PUF60: variants seen among roughly 807,000 people sequenced by gnomAD.
PUF60 encodes poly(U) binding splicing factor 60, also known as poly(U)-binding-splicing factor PUF60.
In PUF60, 10 loss-of-function variants were observed where a neutral mutation model predicts 61.8. The ratio of observed to expected loss-of-function variants is 0.16; its 90% CI spans 0.10 to 0.27. The LOEUF is 0.27. Ranked by LOEUF, PUF60 falls within the 10% of genes least tolerant of loss-of-function variation. The probability of loss-of-function intolerance (pLI) is 1.00; values close to 1 mark genes in which losing one functional copy is unlikely to be tolerated. For missense variants in PUF60, 371 were observed against 754.0 expected (o/e 0.49, Z 5.95); for synonymous variants, 353 against 300.9 (o/e 1.17, Z -1.79).
In PUF60 at chr8:143,818,002, T is replaced by C. The variant is rs1816559733; in HGVS notation, c.677A>G (p.Asn226Ser). ...GTGCACAGAGGCCACGTAGATGCGGTTGAAGGCCCGTGCCTCCTCAGCCAA... is the reference window on the plus strand; with the variant it reads ...GTGCACAGAGGCCACGTAGATGCGGCTGAAGGCCCGTGCCTCCTCAGCCAA... ...DQLAEEARAF[N>S]RIYVASVHQD... Residue 226 changes from asparagine to serine, a missense_variant, in exon 8 of 12, where the codon AAC (asparagine) becomes AGC (serine). By Grantham distance (46) the Asn-to-Ser change is conservative. This residue lies in a region of PUF60 where 31 missense variants were observed against 80.6 expected (regional missense o/e 0.38). Coordinates refer to ENST00000526683, the MANE Select transcript of PUF60 (RefSeq NM_078480.3). The surrounding 1 kb of genome is among the most constrained non-coding windows in gnomAD (Gnocchi z 7.9). 2 of 1,612,796 alleles carry C rather than the reference T, an allele frequency of 1.2e-6. No individual in the cohort carries two copies. The highest frequency in any genetic ancestry group is 1.7e-6 in the Non-Finnish European group (2 of 1,179,834).
chr8:143,820,568 G>A (rs900080861), intron 5 of PUF60, 98 bp downstream of exon 5: 38 of 1,343,264 alleles, frequency 2.8e-5, no homozygotes, highest in African/African-American at 2.2e-4. Context: ...GGGCAGGGCC[G>A]GCCAGGGGAG....
At position 143,818,339 on chromosome 8, in the gene PUF60, C is replaced by A; in HGVS notation, c.510+34G>T. On this transcript the variant is annotated intron_variant, in intron 6 of 11. Coordinates refer to ENST00000526683, the MANE Select transcript of PUF60 (RefSeq NM_078480.3). This position sits in a 1 kb window ranked among gnomAD's most constrained non-coding sequence, Gnocchi z 7.9. ...GCGCGAGCCCAGGGGTGGGGGCGAG[C>A]CCGAAGTGGCCGGGGCGGACCAAGC... 1 of 1,609,294 alleles carries A rather than the reference C, an allele frequency of 6.2e-7. No homozygotes were observed. The highest frequency in any genetic ancestry group is 8.5e-7 in the Non-Finnish European group (1 of 1,177,342).
rs567177660 is a variant in PUF60 at position 143,825,442 on chromosome 8, C to T, written c.25-1043G>A. 1.3e-3 allele frequency among the ~76,000 whole-genome samples: 193 copies of T among 152,276 alleles called. 1 individual carries two copies. The highest frequency in any genetic ancestry group is 3.5e-3 in the African/African-American group (146 of 41,544). ...GCTCTAGCTGCCCAACTCAGCCCCA[C>T]GCTGCCTAAACACTGCACCCCGGAG... On this transcript the variant is annotated intron_variant, in intron 1 of 11. Transcript: ENST00000526683.
At position 143,818,126 on chromosome 8, in the gene PUF60, C is replaced by T. The variant is rs762341725; in HGVS notation, c.604-51G>A. 1.9e-6 allele frequency: 3 copies of T among 1,603,328 alleles called. No homozygotes were observed. Among genetic ancestry groups the T allele is most frequent in the Non-Finnish European group, 2.6e-6 (3 of 1,175,300 alleles). On this transcript the variant is annotated intron_variant, in intron 7 of 11. Coordinates refer to ENST00000526683, the MANE Select transcript of PUF60 (RefSeq NM_078480.3). This position sits in a 1 kb window ranked among gnomAD's most constrained non-coding sequence, Gnocchi z 7.9. Reference sequence around the variant, plus strand: ...AGACCGGTCAACCCAGGCCCGGCCACAAAAGGCTTCCGTGGAGGGGCAGCC... The same window carrying T: ...AGACCGGTCAACCCAGGCCCGGCCATAAAAGGCTTCCGTGGAGGGGCAGCC...
At chr8:143,824,279 C>G in intron 2 of PUF60, 34 bp downstream of exon 2, 2 of 1,539,944 alleles carry the variant, frequency 1.3e-6, no homozygotes, top group Non-Finnish European at 1.8e-6. Flanking sequence ...GGCAGGCGGG[C>G]GGGCCTGAGG....
intron 4 of PUF60, 194 bp downstream of exon 4, chr8:143,821,403 G>A (rs972906706): frequency 3.6e-5 from 22 of 612,362 alleles, no homozygotes; most frequent in South Asian, 1.2e-4. Context: ...GGGCTCCAGC[G>A]AGCAACAGGT....
chr8:143,828,808 T>C (rs1039520325), intron 1 of PUF60, among the ~76,000 whole-genome samples: 1 of 152,140 alleles, frequency 6.6e-6, no homozygotes, highest in East Asian at 1.9e-4. Flanking sequence ...GCTGCAGGCG[T>C]AGTGAGCCAA....
chr8:143,827,015 T>G (rs1291903105), intron 1 of PUF60: 1 of 255,136 alleles, frequency 3.9e-6, no homozygotes, highest in Non-Finnish European at 7.8e-6. Flanking sequence ...CTTCACACAA[T>G]GAACACTGCT....
At position 143,816,479 on chromosome 8, in the gene PUF60, G is replaced by A. The variant is rs541064816; in HGVS notation, c.*41C>T. The A allele has an allele frequency of 1.7e-4, 267 of 1,571,374 alleles. No individual in the cohort carries two copies. The highest frequency in any genetic ancestry group is 2.8e-5 in the Non-Finnish European group (33 of 1,159,914). On this transcript the variant is annotated 3_prime_UTR_variant, in exon 12 of 12. Transcript: ENST00000526683. ...CACTGTATCACTATAAAACCCAGAG[G>A]AAACAAGGAACAAGTGCAAGTCCGG... is the stretch of plus-strand genomic sequence containing the variant.
rs968070404 is a variant in PUF60 at position 143,822,713 on chromosome 8, T to A, written c.112-800A>T. On this transcript the variant is annotated intron_variant, in intron 2 of 11. Coordinates refer to ENST00000526683, the MANE Select transcript of PUF60 (RefSeq NM_078480.3). ...CAGGATTATGTTTACGTCCCTCCTGTCAAAATCCATCTCTAAGCTTTTTGC... is the reference window on the plus strand; with the variant it reads ...CAGGATTATGTTTACGTCCCTCCTGACAAAATCCATCTCTAAGCTTTTTGC... The A allele has an allele frequency of 5.6e-5, 21 of 374,680 alleles. No homozygotes were observed. In the Middle Eastern group the frequency reaches 4.5e-3, roughly 80 times the overall value. 23.2% of individuals were successfully genotyped at this position (374,680 alleles called of 1,614,324 possible).
Position 143,820,593 on chromosome 8 carries a change from C to T in PUF60, c.348+73G>A, listed in dbSNP as rs1314870713. ...GGCCAGGGGAGCAAGGTCCCCAGCA[C>T]GTGGGCTGCACTGCCCCCCTCTAGC... On this transcript the variant is annotated intron_variant, in intron 5 of 11. Coordinates refer to ENST00000526683, the MANE Select transcript of PUF60 (RefSeq NM_078480.3). The T allele has an allele frequency of 1.6e-5, 24 of 1,483,414 alleles. 1 individual carries two copies. Among genetic ancestry groups the T allele is most frequent in the South Asian group, 1.5e-4 (13 of 88,296 alleles). 91.9% of individuals were successfully genotyped at this position (1,483,414 alleles called of 1,614,324 possible).
In PUF60 at chr8:143,818,220, C is replaced by T. The variant is rs764109468; in HGVS notation, c.576G>A (p.Ser192=). The T allele has an allele frequency of 1.1e-5, 18 of 1,611,402 alleles. No individual in the cohort carries two copies. The highest frequency in any genetic ancestry group is 4.5e-5 in the East Asian group (2 of 44,788). The stretch of plus-strand genomic sequence containing the variant: ...TGATGTTCCTGCCCCCCAGCATCAC[C>T]GAGTTCATCTGCTCCAAGGCCAGCT... ...AAQLALEQMN[S]VMLGGRNIKV... The change falls in exon 7 of 12, where the codon TCG becomes TCA. Residue 192 remains serine (S), a synonymous_variant. Coordinates refer to ENST00000526683, the MANE Select transcript of PUF60 (RefSeq NM_078480.3). This position sits in a 1 kb window ranked among gnomAD's most constrained non-coding sequence, Gnocchi z 7.9.
chr8:143,819,328 G>A (rs1043779645), intron 5 of PUF60, among the ~76,000 whole-genome samples: 16 of 152,064 alleles, frequency 1.1e-4, no homozygotes, highest in African/African-American at 3.9e-4. Flanking sequence ...TTGCGCTGAG[G>A]GACCTCCCCA....
intron 1 of PUF60, among the ~76,000 whole-genome samples, chr8:143,828,802 C>T (rs1459142423): frequency 6.6e-6 from 1 of 152,222 alleles, no homozygotes; most frequent in Non-Finnish European, 1.5e-5. Context: ...TTCACAGCTG[C>T]AGGCGTAGTG....
intron 1 of PUF60, 47 bp from the exon 2 acceptor site, chr8:143,824,446 C>T (rs758907584): frequency 7.6e-6 from 12 of 1,579,982 alleles, no homozygotes; most frequent in Non-Finnish European, 1.0e-5. Context: ...ACCACCCCAC[C>T]GCCCAGGCCT....
chr8:143,819,327 G>A (rs574262112), intron 5 of PUF60, among the ~76,000 whole-genome samples: 1 of 152,240 alleles, frequency 6.6e-6, no homozygotes, highest in South Asian at 2.1e-4. Context: ...ATTGCGCTGA[G>A]GGACCTCCCC....
chr8:143,829,313 G>A lies in PUF60; in HGVS notation c.-10C>T, dbSNP rs1227232273. 1 of 1,259,442 alleles carries A rather than the reference G, an allele frequency of 7.9e-7. No individual in the cohort carries two copies. Among genetic ancestry groups the A allele is most frequent in the Non-Finnish European group, 1.0e-6 (1 of 996,478 alleles). 78.0% of individuals were successfully genotyped at this position (1,259,442 alleles called of 1,614,324 possible). On this transcript the variant is annotated 5_prime_UTR_variant, in exon 1 of 12. In the 5' UTR this introduces an upstream ATG that the reference lacks. Coordinates refer to ENST00000526683, the MANE Select transcript of PUF60 (RefSeq NM_078480.3). Reference sequence around the variant, plus strand: ...TGGTCGCCGTCGCCATCTTGCGTCCGTCGCGGCCTCCGCGCGCGCCTCCCA... The same window carrying A: ...TGGTCGCCGTCGCCATCTTGCGTCCATCGCGGCCTCCGCGCGCGCCTCCCA...
chr8:143,820,846 ACTG>A (rs1424050011), intron 4 of PUF60, 130 bp from the exon 5 acceptor site: 7 of 866,150 alleles, frequency 8.1e-6, no homozygotes. Context: ...GCCTTCCCAC[ACTG>A]CCGGCCGCCA....
chr8:143,820,856 G>A (rs892544253), intron 4 of PUF60, 140 bp from the exon 5 acceptor site: 15 of 801,058 alleles, frequency 1.9e-5, no homozygotes, highest in Admixed American at 7.3e-5. Flanking sequence ...ACTGCCGGCC[G>A]CCAGCACCTG....
Sources: allele counts gnomAD v4.1 joint callset (sites outside exome capture counted in the v4.1 genomes callset), GRCh38; gene constraint gnomAD v4.1.1; regional missense constraint gnomAD v4.1.1; non-coding constraint Gnocchi (gnomAD v3.1); transcripts MANE v1.5; gene names NCBI Gene and HGNC (gene_info 2026-07-23, HGNC 2026-07-21).